Variants in UHRF2 observed in about 807,000 individuals in gnomAD.
UHRF2 encodes the protein E3 ubiquitin-protein ligase UHRF2.
UHRF2 carries 23 observed loss-of-function variants against 96.8 expected under a neutral mutation model. That is an observed-to-expected ratio of 0.24 (90% CI 0.17 to 0.34). The LOEUF is 0.34. Among genes scored for constraint, UHRF2 ranks in the 10% least tolerant of loss-of-function variants. The pLI, the probability that UHRF2 is intolerant of heterozygous loss-of-function variation, is 1.00. For missense variants in UHRF2, 685 were observed against 981.5 expected (o/e 0.70, Z 4.04); for synonymous variants, 385 against 332.6 (o/e 1.16, Z -1.72).
intron 2 of UHRF2, among the ~76,000 whole-genome samples, chr9:6,432,175 C>T (rs1335550098): frequency 6.6e-6 from 1 of 152,074 alleles, no homozygotes; most frequent in African/African-American, 2.4e-5. Flanking sequence ...ATGGTTGGCT[C>T]TTAGGTTTTT....
chr9:6,499,000 A>G (rs989333222), intron 12 of UHRF2: 25 of 152,208 alleles, frequency 1.6e-4, no homozygotes, highest in African/African-American at 6.0e-4. Flanking sequence ...TGATTGTTGA[A>G]AATAAGGCCA....
At position 6,459,030 on chromosome 9, in the gene UHRF2, A is replaced by G. The variant is rs545301579; in HGVS notation, c.645-1543A>G. Among the ~76,000 whole-genome samples the G allele has an allele frequency of 1.1e-4, 17 of 152,214 alleles. No individual in the cohort carries two copies. In the East Asian group the frequency reaches 3.1e-3, roughly 28 times the overall value. On this transcript the variant is annotated intron_variant, in intron 3 of 15. Transcript: ENST00000276893. ...GAAGTTGAACAATGAGAACCCATGG[A>G]CGCAGGGAGGGGAACATAACACAGA...
intron 9 of UHRF2, 120 bp downstream of exon 9, chr9:6,487,045 A>G: frequency 1.1e-6 from 1 of 870,480 alleles, no homozygotes; most frequent in Admixed American, 2.5e-5. Flanking sequence ...TTGTTGAAGT[A>G]ATCAGTTTTA....
chr9:6,437,561 A>G (rs1022543297), intron 3 of UHRF2, among the ~76,000 whole-genome samples: 5 of 151,984 alleles, frequency 3.3e-5, no homozygotes, highest in Admixed American at 2.0e-4. Context: ...GTAAGCTCCA[A>G]GTGAGTCGAT....
intron 1 of UHRF2, chr9:6,414,152 T>G (rs1819453934): frequency 6.6e-6 from 1 of 151,740 alleles, no homozygotes; most frequent in Non-Finnish European, 1.5e-5. Flanking sequence ...GAACCCTAAC[T>G]CTGCTTCCTG....
chr9:6,489,205 C>G (rs1388385214), intron 9 of UHRF2, among the ~76,000 whole-genome samples: 1 of 152,182 alleles, frequency 6.6e-6, no homozygotes, highest in East Asian at 1.9e-4. Flanking sequence ...TTTTTCCACT[C>G]AGCATGATTC....
chr9:6,478,207 T>C (rs1823704539), intron 6 of UHRF2, among the ~76,000 whole-genome samples: 1 of 152,244 alleles, frequency 6.6e-6, no homozygotes, highest in Non-Finnish European at 1.5e-5. Context: ...ATTAAATATC[T>C]TTCAACTCCT....
At position 6,428,786 on chromosome 9, in the gene UHRF2, C is replaced by T. The variant is rs565610927; in HGVS notation, c.385-5128C>T. 8.5e-5 allele frequency among the ~76,000 whole-genome samples: 13 copies of T among 152,146 alleles called. No individual in the cohort carries two copies. In the South Asian group the frequency reaches 2.7e-3, roughly 32 times the overall value. ...CTGGTCTTGAACTCCTGGGTTCAAA[C>T]AGTCCTCCTGCCACTTCCTCCCAAA... On this transcript the variant is annotated intron_variant, in intron 2 of 15. Coordinates refer to ENST00000276893, the MANE Select transcript of UHRF2 (RefSeq NM_152896.3).
intron 3 of UHRF2, chr9:6,434,465 C>A: frequency 4.1e-6 from 1 of 244,742 alleles, no homozygotes; most frequent in South Asian, 7.2e-5. Flanking sequence ...TTGAGATGGT[C>A]TCTCTCTGTC....
intron 6 of UHRF2, among the ~76,000 whole-genome samples, chr9:6,480,540 A>G (rs137951180): frequency 2.0e-5 from 3 of 151,940 alleles, no homozygotes; most frequent in African/African-American, 7.3e-5. Context: ...TTCACCTGAA[A>G]CTCCTTAACC....
chr9:6,464,642 C>G (rs1365547071), intron 4 of UHRF2, among the ~76,000 whole-genome samples: 1 of 152,090 alleles, frequency 6.6e-6, no homozygotes, highest in Non-Finnish European at 1.5e-5. Context: ...AAACATTTTT[C>G]CTAGCACTGT....
intron 1 of UHRF2, 187 bp downstream of exon 1, chr9:6,413,830 C>T: frequency 1.5e-6 from 1 of 653,968 alleles, no homozygotes; most frequent in South Asian, 4.1e-5. Context: ...GAGTGGGTCC[C>T]TGCCAGCCCC....
At chr9:6,416,629 G>C (rs1361908031) in intron 1 of UHRF2, among the ~76,000 whole-genome samples, 2 of 131,220 alleles carry the variant, frequency 1.5e-5, no homozygotes, top group East Asian at 5.3e-4. Flanking sequence ...TGCAAGCTCC[G>C]CCTTCCGGGT....
At chr9:6,454,970 A>G (rs1419123812) in intron 3 of UHRF2, among the ~76,000 whole-genome samples, 1 of 152,322 alleles carries the variant, frequency 6.6e-6, no homozygotes, top group East Asian at 1.9e-4. Flanking sequence ...TTGGATTTCC[A>G]GATGATGTTG....
At chr9:6,491,408 T>C (rs1462981707) in intron 9 of UHRF2, among the ~76,000 whole-genome samples, 8 of 152,160 alleles carry the variant, frequency 5.3e-5, no homozygotes, top group African/African-American at 1.7e-4. Flanking sequence ...AACCCACCAG[T>C]AGTAGATGTG....
chr9:6,477,247 G>A (rs1272069373), intron 5 of UHRF2, among the ~76,000 whole-genome samples: 2 of 151,658 alleles, frequency 1.3e-5, no homozygotes, highest in African/African-American at 4.8e-5. Context: ...AAAAAAGACT[G>A]GGTGTGGTGG....
At chr9:6,487,303 C>T (rs1286376893) in intron 9 of UHRF2, among the ~76,000 whole-genome samples, 1 of 148,978 alleles carries the variant, frequency 6.7e-6, no homozygotes, top group Non-Finnish European at 1.5e-5. Flanking sequence ...ATTTTCCTGC[C>T]TCAGCCTCCC....
chr9:6,498,351 C>T, intron 12 of UHRF2, 193 bp downstream of exon 12: 1 of 512,328 alleles, frequency 2.0e-6, no homozygotes, highest in Middle Eastern at 4.5e-4. Context: ...TGCCCTGGGA[C>T]CAAGGGTTGT....
At chr9:6,497,972 G>A in intron 11 of UHRF2, 46 bp from the exon 12 acceptor site, 2 of 1,603,706 alleles carry the variant, frequency 1.2e-6, no homozygotes, top group Non-Finnish European at 1.7e-6. Flanking sequence ...TGATGAATAA[G>A]TCTAAATTTT....
Sources: allele counts gnomAD v4.1 joint callset (sites outside exome capture counted in the v4.1 genomes callset), GRCh38; gene constraint gnomAD v4.1.1; transcripts MANE v1.5; gene names NCBI Gene and HGNC (gene_info 2026-07-23, HGNC 2026-07-21).